Variants in SYT1 observed in about 807,000 individuals in gnomAD.
The protein encoded by SYT1 is synaptotagmin 1.
In SYT1, 8 loss-of-function variants were observed where a neutral mutation model predicts 44.8. That is an observed-to-expected ratio of 0.18 (90% CI 0.10 to 0.32). The LOEUF (loss-of-function observed/expected upper bound fraction) is 0.32, where lower values mean the gene tolerates loss of function less well. Ranked by LOEUF, SYT1 falls within the 10% of genes least tolerant of loss-of-function variation. The probability of loss-of-function intolerance (pLI) is 1.00; values close to 1 mark genes in which losing one functional copy is unlikely to be tolerated. For missense variants in SYT1, 286 were observed against 509.3 expected, an observed-to-expected ratio of 0.56 and a Z score of 4.22; for synonymous variants, 154 against 188.8, an observed-to-expected ratio of 0.82 and a Z score of 1.51.
At chr12:78,951,296 C>T (rs1195746933) in intron 1 of SYT1, among the ~76,000 whole-genome samples, 1 of 151,966 alleles carries the variant, frequency 6.6e-6, no homozygotes, top group Non-Finnish European at 1.5e-5. Flanking sequence ...ATTTATTAAA[C>T]AAAACTTATG....
chr12:79,399,932 T>A (rs1298577371), intron 9 of SYT1, among the ~76,000 whole-genome samples: 1 of 152,210 alleles, frequency 6.6e-6, no homozygotes, highest in African/African-American at 2.4e-5. Context: ...TATCCACAAG[T>A]ACAATATCAT....
At chr12:78,943,205 A>G (rs1565729521) in intron 1 of SYT1, among the ~76,000 whole-genome samples, 1 of 152,092 alleles carries the variant, frequency 6.6e-6, no homozygotes, top group Admixed American at 6.6e-5. Flanking sequence ...ATGGAGTCTC[A>G]TTGTGTTAGG....
At chr12:79,158,155 A>G (rs919992605) in intron 3 of SYT1, among the ~76,000 whole-genome samples, 9 of 152,104 alleles carry the variant, frequency 5.9e-5, no homozygotes, top group African/African-American at 2.2e-4. Flanking sequence ...AAGTAACTAC[A>G]TATGTACAAG....
intron 9 of SYT1, among the ~76,000 whole-genome samples, chr12:79,442,366 A>G (rs1376097259): frequency 6.6e-6 from 1 of 152,212 alleles, no homozygotes; most frequent in Non-Finnish European, 1.5e-5. Flanking sequence ...AACTGTTTAC[A>G]GTGGATTTTT....
intron 8 of SYT1, among the ~76,000 whole-genome samples, chr12:79,338,087 T>C (rs1225378108): frequency 6.6e-6 from 1 of 152,180 alleles, no homozygotes; most frequent in Admixed American, 6.5e-5. Flanking sequence ...ATTAGTTTCT[T>C]TCCACTTCGC....
chr12:79,281,982 A>G (rs1030658818), intron 4 of SYT1, among the ~76,000 whole-genome samples: 6 of 152,180 alleles, frequency 3.9e-5, no homozygotes, highest in African/African-American at 1.4e-4. Flanking sequence ...CAGCTTCAAG[A>G]GGCACCTGCA....
rs1592753781 is a variant in SYT1, at chr12:79,106,609, T to A, written c.-18+59247T>A. Among the ~76,000 whole-genome samples the A allele has an allele frequency of 2.6e-5, 4 of 152,132 alleles. No individual in the cohort carries two copies. In the South Asian group the frequency reaches 8.3e-4, roughly 32 times the overall value. ...TACAAAACTCTCATAGGGAACTTTT[T>A]TTTAATGTTCCATTTTTAAAGCCTA... On this transcript the variant is annotated intron_variant, in intron 3 of 10. Coordinates refer to ENST00000261205, the MANE Select transcript of SYT1 (RefSeq NM_005639.3).
At chr12:79,342,755 A>G (rs1450104728) in intron 8 of SYT1, among the ~76,000 whole-genome samples, 1 of 152,192 alleles carries the variant, frequency 6.6e-6, no homozygotes, top group Non-Finnish European at 1.5e-5. Flanking sequence ...GGCTTAAGCA[A>G]CCCCTTGGAT....
intron 3 of SYT1, among the ~76,000 whole-genome samples, chr12:79,082,627 G>A (rs181000475): frequency 1.3e-5 from 2 of 152,322 alleles, no homozygotes; most frequent in African/African-American, 2.4e-5. Context: ...ATTATGGGAA[G>A]AGGATGGCTT....
chr12:78,981,518 G>A (rs954732710), intron 2 of SYT1, among the ~76,000 whole-genome samples: 11 of 152,106 alleles, frequency 7.2e-5, no homozygotes, highest in African/African-American at 2.4e-4. Flanking sequence ...GATAGTGGGC[G>A]AGCATGCATG....
chr12:79,045,149 C>G (rs917239532), intron 2 of SYT1, among the ~76,000 whole-genome samples: 4 of 152,148 alleles, frequency 2.6e-5, no homozygotes, highest in South Asian at 2.1e-4. Context: ...TGGGCTCCAC[C>G]CAGTTCGAGC....
At chr12:79,219,601 T>G (rs889497926) in intron 4 of SYT1, among the ~76,000 whole-genome samples, 2 of 152,136 alleles carry the variant, frequency 1.3e-5, no homozygotes, top group Non-Finnish European at 2.9e-5. Flanking sequence ...CTAAAGAGGC[T>G]GTTCTTTCTC....
At chr12:79,332,428 A>G (rs1881895594) in intron 8 of SYT1, among the ~76,000 whole-genome samples, 1 of 152,076 alleles carries the variant, frequency 6.6e-6, no homozygotes, top group East Asian at 1.9e-4. Context: ...AAATCTTGGC[A>G]AATTGAATTC....
intron 3 of SYT1, among the ~76,000 whole-genome samples, chr12:79,050,345 GTC>G (rs10605014): frequency 0.2 from 30,183 of 151,790 alleles, 3,319 homozygotes; most frequent in East Asian, 0.3. Context: ...TGGTTTTACT[GTC>G]TCAGCAGTGG....
At position 79,259,669 on chromosome 12, in the gene SYT1, G is replaced by A. The variant is rs372638334; in HGVS notation, c.167-26118G>A. Among the ~76,000 whole-genome samples, 16 of 152,282 alleles carry A rather than the reference G, an allele frequency of 1.1e-4. No individual in the cohort carries two copies. In the East Asian group the frequency reaches 2.5e-3, roughly 24 times the overall value. On this transcript the variant is annotated intron_variant, in intron 4 of 10. Transcript: ENST00000261205. Reference sequence around the variant, plus strand: ...GGATCTCTTGAGCCTGGAAGGTAGGGGCTAGAGTGAGCTATGATTGTGTCA... The same window carrying A: ...GGATCTCTTGAGCCTGGAAGGTAGGAGCTAGAGTGAGCTATGATTGTGTCA...
intron 3 of SYT1, among the ~76,000 whole-genome samples, chr12:79,074,980 G>A (rs1876542443): frequency 6.6e-6 from 1 of 152,112 alleles, no homozygotes; most frequent in Non-Finnish European, 1.5e-5. Flanking sequence ...TCACTGTGAA[G>A]TCCTGAAACA....
chr12:78,942,240 C>G (rs1365573250), intron 1 of SYT1, among the ~76,000 whole-genome samples: 4 of 152,228 alleles, frequency 2.6e-5, no homozygotes, highest in Non-Finnish European at 2.9e-5. Context: ...TCCAAAACAA[C>G]ACATTACTGC....
chr12:79,029,859 G>A (rs962203266), intron 2 of SYT1, among the ~76,000 whole-genome samples: 1 of 151,036 alleles, frequency 6.6e-6, no homozygotes, highest in African/African-American at 2.4e-5. Context: ...CTAGCCACAT[G>A]TATTATATAA....
chr12:79,044,975 C>A (rs1037003463), intron 2 of SYT1, among the ~76,000 whole-genome samples: 1 of 152,198 alleles, frequency 6.6e-6, no homozygotes, highest in East Asian at 1.9e-4. Context: ...GCAGTCTGCC[C>A]GTTCTCAGAT....
Sources: gnomAD v4.1 joint callset for allele counts (sites outside exome capture counted in the v4.1 genomes callset) on GRCh38, gnomAD v4.1.1 for gene constraint, MANE v1.5 for transcripts, NCBI Gene and HGNC (gene_info 2026-07-23, HGNC 2026-07-21) for gene names.